The following TLN2 variants were observed in gnomAD, a reference collection of about 807,000 sequenced individuals.
TLN2 encodes the protein talin-2.
In TLN2, 118 loss-of-function variants were observed where a neutral mutation model predicts 294.7. The observed-to-expected ratio is 0.40, with a 90% CI of 0.34 to 0.47. The LOEUF is 0.47. Among genes scored for constraint, TLN2 ranks in the 20% least tolerant of loss-of-function variants. The probability of loss-of-function intolerance (pLI) is 0.84; values close to 1 mark genes in which losing one functional copy is unlikely to be tolerated. For missense variants in TLN2, 3,083 were observed against 3,282.2 expected (o/e 0.94, Z 1.48); for synonymous variants, 1,431 against 1,304.5 (o/e 1.10, Z -2.09).
chr15:62,493,287 C>T (rs946939245), intron 1 of TLN2, among the ~76,000 whole-genome samples: 1 of 152,116 alleles, frequency 6.6e-6, no homozygotes, highest in South Asian at 2.1e-4. Context: ...CTTGCCTCTC[C>T]CACCTAATGG....
At chr15:62,592,666 T>C (rs940933759) in intron 2 of TLN2, among the ~76,000 whole-genome samples, 4 of 152,240 alleles carry the variant, frequency 2.6e-5, no homozygotes, top group Non-Finnish European at 2.9e-5. Flanking sequence ...TGAATAAAAG[T>C]TAATGAATGA....
chr15:62,532,628 A>G (rs1468471955), intron 1 of TLN2, among the ~76,000 whole-genome samples: 2 of 152,094 alleles, frequency 1.3e-5, no homozygotes, highest in Non-Finnish European at 2.9e-5. Context: ...TTAGAAAAGC[A>G]TTGCTCTTGC....
intron 1 of TLN2, among the ~76,000 whole-genome samples, chr15:62,507,738 T>C (rs1044564889): frequency 3.9e-5 from 6 of 152,220 alleles, no homozygotes; most frequent in East Asian, 1.9e-4. Context: ...TAGTAAGCAA[T>C]TGAGTTGTCT....
Position 62,656,016 on chromosome 15 carries a change from G to A in TLN2, c.590G>A (p.Arg197Gln), listed in dbSNP as rs768952963. The change falls in exon 8 of 59, where the codon CGG becomes CAG. Residue 197 changes from arginine (R) to glutamine (Q), a missense_variant. Transcript: ENST00000636159. ...VDENETLLLR[R>Q]KFFYSDQNVD... is the part of the protein sequence containing the mutation. ...GAAAACGAAACGTTGCTGCTTAGACGGAAGTTCTTTTACTCTGATCAGAAT... is the reference window on the plus strand; with the variant it reads ...GAAAACGAAACGTTGCTGCTTAGACAGAAGTTCTTTTACTCTGATCAGAAT... 38 of 1,614,182 alleles carry A rather than the reference G, an allele frequency of 2.4e-5. No homozygotes were observed. The highest frequency in any genetic ancestry group is 3.2e-5 in the Non-Finnish European group (38 of 1,180,044).
chr15:62,475,958 T>C (rs746731120), intron 1 of TLN2, among the ~76,000 whole-genome samples: 75 of 152,344 alleles, frequency 4.9e-4, no homozygotes, highest in Admixed American at 2.0e-3. Context: ...GCCTTGCTGT[T>C]CCTCGCTGCT....
At chr15:62,813,001 C>T (rs2066812239) in intron 52 of TLN2, among the ~76,000 whole-genome samples, 2 of 152,212 alleles carry the variant, frequency 1.3e-5, no homozygotes, top group Non-Finnish European at 2.9e-5. Flanking sequence ...AGGGCACTTA[C>T]TGACGGGAGA....
chr15:62,588,654 T>A (rs1315483379), intron 1 of TLN2, among the ~76,000 whole-genome samples: 1 of 124,032 alleles, frequency 8.1e-6, no homozygotes, highest in African/African-American at 2.9e-5. Flanking sequence ...CATATATATA[T>A]ACATTTTTTT....
At chr15:62,752,159 C>T in intron 34 of TLN2, 146 bp from the exon 35 acceptor site, 2 of 1,080,808 alleles carry the variant, frequency 1.9e-6, no homozygotes, top group East Asian at 2.4e-5. Context: ...AATTTTCTTC[C>T]ATCTCTTTTT....
At chr15:62,564,124 A>G (rs2043194562) in intron 1 of TLN2, among the ~76,000 whole-genome samples, 1 of 152,170 alleles carries the variant, frequency 6.6e-6, no homozygotes, top group South Asian at 2.1e-4. Context: ...TAATATAGTC[A>G]AAGTTTGGGG....
chr15:62,710,317 A>G (rs2059342562), intron 21 of TLN2, among the ~76,000 whole-genome samples: 1 of 152,154 alleles, frequency 6.6e-6, no homozygotes. Flanking sequence ...AGGACCCACA[A>G]TTTGCAACCC....
At chr15:62,654,157 C>A (rs1161721085) in intron 7 of TLN2, among the ~76,000 whole-genome samples, 1 of 152,166 alleles carries the variant, frequency 6.6e-6, no homozygotes, top group African/African-American at 2.4e-5. Flanking sequence ...TAGTGCATGT[C>A]TTTTTGCAGT....
intron 1 of TLN2, among the ~76,000 whole-genome samples, chr15:62,463,754 G>A (rs544632072): frequency 1.3e-5 from 2 of 152,308 alleles, no homozygotes; most frequent in African/African-American, 4.8e-5. Flanking sequence ...AGGCGTGGTG[G>A]TGGGCACCAG....
At chr15:62,650,299 T>C (rs2140941094) in intron 5 of TLN2, 118 bp downstream of exon 5, 1 of 987,470 alleles carries the variant, frequency 1.0e-6, no homozygotes, top group Non-Finnish European at 1.5e-6. Context: ...GTTCGATGCA[T>C]TGTACTTTGT....
intron 1 of TLN2, among the ~76,000 whole-genome samples, chr15:62,488,330 A>C (rs1567021608): frequency 6.6e-6 from 1 of 152,172 alleles, no homozygotes; most frequent in East Asian, 1.9e-4. Context: ...TACTGGTGGG[A>C]GTAGAATGGG....
intron 11 of TLN2, among the ~76,000 whole-genome samples, chr15:62,677,893 TCAAG>T (rs1157639089): frequency 7.6e-6 from 1 of 132,054 alleles, no homozygotes; most frequent in African/African-American, 2.8e-5. Context: ...CCTCCTGTGT[TCAAG>T]CGATTCTCCT....
chr15:62,771,438 C>T (rs2063345440), intron 42 of TLN2, among the ~76,000 whole-genome samples: 1 of 152,216 alleles, frequency 6.6e-6, no homozygotes, highest in Admixed American at 6.5e-5. Context: ...CCCTGCTCAG[C>T]ACTGACACCC....
intron 18 of TLN2, 103 bp downstream of exon 18, chr15:62,702,303 T>C: frequency 7.9e-7 from 1 of 1,271,732 alleles, no homozygotes; most frequent in Admixed American, 2.3e-5. Flanking sequence ...TGCGTCTTGA[T>C]GGGGTGTGTT....
At chr15:62,603,654 A>G (rs74734359) in intron 2 of TLN2, among the ~76,000 whole-genome samples, 17,207 of 152,126 alleles carry the variant, frequency 0.11, 1,159 homozygotes, top group East Asian at 0.16. Context: ...ATACGAGGTG[A>G]CTCCTTTTGT....
chr15:62,437,752 G>GT (rs1555407259), intron 1 of TLN2, among the ~76,000 whole-genome samples: 45,091 of 150,262 alleles, frequency 0.3, 7,609 homozygotes, highest in Admixed American at 0.38. Context: ...ACACCATGGG[G>GT]GTGTGTGTGT....
Sources: allele counts gnomAD v4.1 joint callset (sites outside exome capture counted in the v4.1 genomes callset), GRCh38; gene constraint gnomAD v4.1.1; transcripts MANE v1.5; gene names NCBI Gene and HGNC (gene_info 2026-07-23, HGNC 2026-07-21).